Variants in PPFIA2 observed in about 807,000 individuals in gnomAD.
The protein encoded by PPFIA2 is PPFI scaffold protein A2, also known as liprin-alpha-2.
In PPFIA2, 46 loss-of-function variants were observed where a neutral mutation model predicts 175.5. The observed-to-expected ratio is 0.26, with a 90% CI of 0.21 to 0.34. PPFIA2 has a LOEUF of 0.34. PPFIA2 is among the 10% of genes least tolerant of loss of function. The pLI, the probability that PPFIA2 is intolerant of heterozygous loss-of-function variation, is 1.00. For synonymous variants in PPFIA2, 568 were observed against 511.4 expected (o/e 1.11, Z -1.49); for missense variants, 1,179 against 1,506.1 (o/e 0.78, Z 3.60).
intron 4 of PPFIA2, chr12:81,597,834 T>C (rs1207098286): frequency 2.0e-6 from 2 of 1,019,932 alleles, no homozygotes; most frequent in African/African-American, 1.6e-5. Context: ...ATTCATTCCA[T>C]ACATTTTCTT....
chr12:81,267,187 A>AG, intron 29 of PPFIA2, 167 bp from the exon 30 acceptor site: 1 of 608,670 alleles, frequency 1.6e-6, no homozygotes, highest in Non-Finnish European at 2.9e-6. Flanking sequence ...TTAACTACAA[A>AG]AAAAACAGGG....
intron 4 of PPFIA2, among the ~76,000 whole-genome samples, chr12:81,561,526 C>T (rs1008393127): frequency 6.6e-6 from 1 of 151,950 alleles, no homozygotes; most frequent in African/African-American, 2.4e-5. Flanking sequence ...CCAAAAAAAA[C>T]GTTAAGCAAA....
At chr12:81,368,679 G>T in intron 13 of PPFIA2, 46 bp downstream of exon 13, 2 of 1,561,960 alleles carry the variant, frequency 1.3e-6, no homozygotes, top group South Asian at 2.3e-5. Flanking sequence ...AAACAAACAT[G>T]AGCATTGCAA....
chr12:81,759,214 C>T (rs1254882841), intron 1 of PPFIA2, 66 bp downstream of exon 1: 2 of 149,018 alleles, frequency 1.3e-5, no homozygotes, highest in African/African-American at 5.0e-5. Flanking sequence ...GCACACACAC[C>T]CATTTTTCTC....
intron 4 of PPFIA2, among the ~76,000 whole-genome samples, chr12:81,656,928 C>T (rs1465905416): frequency 6.6e-6 from 1 of 151,972 alleles, no homozygotes; most frequent in African/African-American, 2.4e-5. Flanking sequence ...CTGGAATCAA[C>T]ATAGATTTTA....
At chr12:81,724,994 A>G (rs546362669) in intron 3 of PPFIA2, among the ~76,000 whole-genome samples, 1 of 150,970 alleles carries the variant, frequency 6.6e-6, no homozygotes, top group South Asian at 2.1e-4. Flanking sequence ...AGCGTCTGTT[A>G]TTTTTTGACT....
At chr12:81,442,021 T>C (rs2050265874) in intron 6 of PPFIA2, among the ~76,000 whole-genome samples, 1 of 152,134 alleles carries the variant, frequency 6.6e-6, no homozygotes, top group Non-Finnish European at 1.5e-5. Flanking sequence ...TATATCTTTC[T>C]TTCTTTTTTT....
intron 7 of PPFIA2, among the ~76,000 whole-genome samples, chr12:81,418,671 T>C (rs1172442111): frequency 6.6e-6 from 1 of 151,920 alleles, no homozygotes; most frequent in East Asian, 1.9e-4. Flanking sequence ...AGTTTGCTGA[T>C]ACCTGGTCTA....
intron 3 of PPFIA2, among the ~76,000 whole-genome samples, chr12:81,732,806 T>C (rs2081093011): frequency 6.6e-6 from 1 of 151,492 alleles, no homozygotes; most frequent in African/African-American, 2.4e-5. Flanking sequence ...ATAAAGACCA[T>C]CGACCTAAAT....
intron 8 of PPFIA2, among the ~76,000 whole-genome samples, chr12:81,392,677 T>C (rs116893269): frequency 0.014 from 2,097 of 152,098 alleles, 21 homozygotes; most frequent in Non-Finnish European, 0.02. Context: ...TCTTAACTTA[T>C]ATATTATTGT....
chr12:81,596,461 C>T (rs372200994), intron 4 of PPFIA2, among the ~76,000 whole-genome samples: 21 of 152,098 alleles, frequency 1.4e-4, no homozygotes, highest in East Asian at 3.9e-4. Context: ...TTAATTCCTA[C>T]GGTTTTTACA....
At position 81,642,738 on chromosome 12, in the gene PPFIA2, T is replaced by TTATATACATAC. The variant is rs2065339241; in HGVS notation, c.303+34052_303+34053insGTATGTATATA. On this transcript the variant is annotated intron_variant, in intron 4 of 32. Coordinates refer to ENST00000549396, the MANE Select transcript of PPFIA2 (RefSeq NM_003625.5). ...TGTATTATATACATACATGTATATGTATGTATGTATTATATACATACATGT... is the reference window on the plus strand; with the variant it reads ...TGTATTATATACATACATGTATATGTTATATACATACATGTATGTATTATATACATACATGT... Among the ~76,000 whole-genome samples, 30 of 47,598 alleles carry TTATATACATAC rather than the reference T, an allele frequency of 6.3e-4. 11 individuals are homozygous for TTATATACATAC. The highest frequency in any genetic ancestry group is 2.3e-3 in the East Asian group (4 of 1,748). The allele number at this position is 47,598 out of a possible 152,430, so 31.2% of individuals were successfully genotyped here. A position where few individuals can be genotyped will look rare whatever the true frequency, so the allele number is the denominator to read the frequency against.
intron 5 of PPFIA2, among the ~76,000 whole-genome samples, chr12:81,448,909 T>C (rs1464779703): frequency 6.6e-6 from 1 of 152,200 alleles, no homozygotes; most frequent in Non-Finnish European, 1.5e-5. Context: ...GGATAGTTTG[T>C]CATATCATGA....
In PPFIA2 at chr12:81,526,558, A is replaced by T. The variant is rs534901779; in HGVS notation, c.304-68692T>A. 3.8e-3 allele frequency among the ~76,000 whole-genome samples: 580 copies of T among 152,286 alleles called. 4 individuals carry two copies. Among genetic ancestry groups the T allele is most frequent in the African/African-American group, 0.013 (543 of 41,552 alleles). ...CCTAAATGAGGCCATTTCTAAAACT[A>T]TATTATCAAAGAATCACTAGGATTG... On this transcript the variant is annotated intron_variant, in intron 4 of 32. Coordinates refer to ENST00000549396, the MANE Select transcript of PPFIA2 (RefSeq NM_003625.5).
chr12:81,318,821 T>C (rs1487534802), intron 22 of PPFIA2, among the ~76,000 whole-genome samples: 2 of 151,694 alleles, frequency 1.3e-5, no homozygotes, highest in African/African-American at 2.4e-5. Flanking sequence ...CTGAAATACT[T>C]AAATGCAATA....
intron 4 of PPFIA2, among the ~76,000 whole-genome samples, chr12:81,481,948 A>G (rs1280434615): frequency 2.6e-5 from 4 of 152,210 alleles, no homozygotes; most frequent in African/African-American, 9.6e-5. Flanking sequence ...ATCAGAGTGA[A>G]AAGGAAACCT....
chr12:81,722,056 GA>G (rs202229281), intron 3 of PPFIA2, among the ~76,000 whole-genome samples: 72 of 149,320 alleles, frequency 4.8e-4, no homozygotes, highest in African/African-American at 1.7e-3. Flanking sequence ...TAGTGTCCAG[GA>G]AAAAAAAATC....
At chr12:81,570,010 T>C (rs576211006) in intron 4 of PPFIA2, among the ~76,000 whole-genome samples, 31 of 152,284 alleles carry the variant, frequency 2.0e-4, no homozygotes, top group African/African-American at 7.5e-4. Context: ...TTTCCAAATC[T>C]AGACACAGGC....
chr12:81,638,178 C>CT (rs2064369421), intron 4 of PPFIA2, among the ~76,000 whole-genome samples: 1 of 152,090 alleles, frequency 6.6e-6, no homozygotes, highest in Non-Finnish European at 1.5e-5. Flanking sequence ...TTAATATTGA[C>CT]TTTAACTCTT....
Sources: allele counts gnomAD v4.1 joint callset (sites outside exome capture counted in the v4.1 genomes callset), GRCh38; gene constraint gnomAD v4.1.1; transcripts MANE v1.5; gene names NCBI Gene and HGNC (gene_info 2026-07-23, HGNC 2026-07-21).